CLMP: variants seen among roughly 807,000 people sequenced by gnomAD.
The protein encoded by CLMP is CXADR-like membrane protein.
In CLMP, 27 loss-of-function variants were observed where a neutral mutation model predicts 45.2. The observed-to-expected ratio is 0.60, with a 90% CI of 0.44 to 0.82. The LOEUF (loss-of-function observed/expected upper bound fraction) is 0.82, where lower values mean the gene tolerates loss of function less well. Ranked by LOEUF, CLMP falls within the 40% of genes least tolerant of loss-of-function variation. The probability of loss-of-function intolerance (pLI) is 0.00; values close to 1 mark genes in which losing one functional copy is unlikely to be tolerated. For synonymous variants in CLMP, 167 were observed against 171.4 expected, an observed-to-expected ratio of 0.97 and a Z score of 0.20; for missense variants, 403 against 448.4, an observed-to-expected ratio of 0.90 and a Z score of 0.91.
chr11:123,176,533 T>A (rs1861702192), intron 1 of CLMP, among the ~76,000 whole-genome samples: 1 of 152,214 alleles, frequency 6.6e-6, no homozygotes, highest in South Asian at 2.1e-4. Context: ...ACTGAGCCAG[T>A]GGGACCCTAG....
intron 1 of CLMP, among the ~76,000 whole-genome samples, chr11:123,114,314 C>T (rs993306086): frequency 6.6e-6 from 1 of 152,110 alleles, no homozygotes; most frequent in Non-Finnish European, 1.5e-5. Flanking sequence ...AAGCTAATAA[C>T]GAAGAGAGAA....
chr11:123,175,147 G>A (rs1861681961), intron 1 of CLMP, among the ~76,000 whole-genome samples: 1 of 152,156 alleles, frequency 6.6e-6, no homozygotes, highest in Non-Finnish European at 1.5e-5. Context: ...TTAAGAGACG[G>A]GGTGTATTAG....
intron 1 of CLMP, among the ~76,000 whole-genome samples, chr11:123,128,874 A>G (rs11219005): frequency 0.14 from 20,611 of 152,106 alleles, 1,758 homozygotes; most frequent in African/African-American, 0.22. Context: ...ATCCTTACAC[A>G]ACCCCATACA....
intron 1 of CLMP, among the ~76,000 whole-genome samples, chr11:123,121,676 T>C (rs1860821172): frequency 6.6e-6 from 1 of 152,182 alleles, no homozygotes; most frequent in South Asian, 2.1e-4. Context: ...TGGGTGGGTT[T>C]AGTGGGTCAG....
At chr11:123,151,196 A>G (rs1861333505) in intron 1 of CLMP, among the ~76,000 whole-genome samples, 1 of 152,200 alleles carries the variant, frequency 6.6e-6, no homozygotes, top group Non-Finnish European at 1.5e-5. Flanking sequence ...TGGAGAGGGA[A>G]CCATTGGTTT....
intron 2 of CLMP, among the ~76,000 whole-genome samples, chr11:123,089,536 C>T (rs1411977911): frequency 4.6e-5 from 7 of 151,936 alleles, no homozygotes; most frequent in Non-Finnish European, 7.4e-5. Flanking sequence ...GAGGCCGAGG[C>T]GGGCGGATCA....
At chr11:123,119,046 C>CTCTCTCTCT (rs1860771790) in intron 1 of CLMP, among the ~76,000 whole-genome samples, 1 of 4,966 alleles carries the variant, frequency 2.0e-4, no homozygotes, top group Admixed American at 2.4e-3. Context: ...TCTCTCTCTC[C>CTCTCTCTCT]CTCTCCCTCT....
At position 123,194,955 on chromosome 11, in the gene CLMP, G is replaced by T; in HGVS notation, c.-15C>A. ...AGGAGGGACATCCCGATCCCCGGAC[G>T]CGGGCGCTTCCCCGCTCAGCTGCTG... On this transcript the variant is annotated 5_prime_UTR_variant, in exon 1 of 7. Coordinates refer to ENST00000448775, the MANE Select transcript of CLMP (RefSeq NM_024769.5). 1 of 1,611,708 alleles carries T rather than the reference G, an allele frequency of 6.2e-7. No individual in the cohort carries two copies. Among genetic ancestry groups the T allele is most frequent in the Non-Finnish European group, 8.5e-7 (1 of 1,178,928 alleles).
chr11:123,122,177 G>A (rs1054031779), intron 1 of CLMP, among the ~76,000 whole-genome samples: 17 of 152,158 alleles, frequency 1.1e-4, no homozygotes, highest in East Asian at 1.9e-4. Context: ...TCTCTGCTCC[G>A]TTTTTATTTT....
At chr11:123,096,350 T>C (rs988116467) in intron 2 of CLMP, among the ~76,000 whole-genome samples, 7 of 151,960 alleles carry the variant, frequency 4.6e-5, no homozygotes, top group Non-Finnish European at 4.4e-5. Flanking sequence ...TGAGACTTCA[T>C]CTCAAACAAC....
intron 1 of CLMP, among the ~76,000 whole-genome samples, chr11:123,145,579 C>G (rs1482283245): frequency 1.3e-5 from 2 of 151,336 alleles, no homozygotes; most frequent in Non-Finnish European, 2.9e-5. Context: ...TTTCCTGCCT[C>G]AGCTTCCCGA....
At position 123,073,356 on chromosome 11, in the gene CLMP, C is replaced by T. The variant is rs1254715114; in HGVS notation, c.*118G>A. ...ATCTGAATCTGTTCCGTGCAATGCT[C>T]ACTGCTACTTAGATGACCTCTCATC... On this transcript the variant is annotated 3_prime_UTR_variant, in exon 7 of 7. Transcript: ENST00000448775. 1 of 1,120,812 alleles carries T rather than the reference C, an allele frequency of 8.9e-7. No homozygotes were observed. The highest frequency in any genetic ancestry group is 1.3e-6 in the Non-Finnish European group (1 of 778,220). The allele number at this position is 1,120,812 out of a possible 1,614,324, so 69.4% of individuals were successfully genotyped here.
chr11:123,119,767 ATC>A (rs1286773289), intron 1 of CLMP, among the ~76,000 whole-genome samples: 1 of 151,964 alleles, frequency 6.6e-6, no homozygotes. Flanking sequence ...GCTCACAGCA[ATC>A]TCTGCCTCCT....
At chr11:123,141,608 T>C (rs78837657) in intron 1 of CLMP, among the ~76,000 whole-genome samples, 9,181 of 152,254 alleles carry the variant, frequency 0.06, 296 homozygotes, top group Middle Eastern at 0.1. Context: ...TGCCGTCACC[T>C]GAGAACCACT....
intron 5 of CLMP, among the ~76,000 whole-genome samples, chr11:123,078,987 A>C (rs547892476): frequency 6.6e-6 from 1 of 152,040 alleles, no homozygotes; most frequent in African/African-American, 2.4e-5. Context: ...CATGTTGGTC[A>C]GGCTGGTCTC....
At chr11:123,168,040 C>T (rs531276343) in intron 1 of CLMP, among the ~76,000 whole-genome samples, 66 of 152,266 alleles carry the variant, frequency 4.3e-4, no homozygotes, top group Admixed American at 1.9e-3. Flanking sequence ...CTTAAACTGA[C>T]GGAGGGATGC....
chr11:123,131,741 G>A (rs749005130), intron 1 of CLMP, among the ~76,000 whole-genome samples: 14 of 151,762 alleles, frequency 9.2e-5, no homozygotes, highest in African/African-American at 1.9e-4. Context: ...TCAGCCTCCC[G>A]AGTAGCTGGG....
intron 5 of CLMP, among the ~76,000 whole-genome samples, chr11:123,082,602 G>GTTTT (rs72001163): frequency 2.1e-5 from 3 of 141,264 alleles, no homozygotes; most frequent in Non-Finnish European, 4.6e-5. Flanking sequence ...CGCTGGGCTG[G>GTTTT]TTTTTTTTGT....
chr11:123,128,483 G>A (rs751896571), intron 1 of CLMP, among the ~76,000 whole-genome samples: 12 of 151,996 alleles, frequency 7.9e-5, no homozygotes, highest in Non-Finnish European at 1.2e-4. Context: ...GCAACATAGC[G>A]AGATCTTGCC....
Sources: gnomAD v4.1 joint callset for allele counts (sites outside exome capture counted in the v4.1 genomes callset) on GRCh38, gnomAD v4.1.1 for gene constraint, MANE v1.5 for transcripts, NCBI Gene and HGNC (gene_info 2026-07-23, HGNC 2026-07-21) for gene names.